EPHB1: variants seen among roughly 807,000 people sequenced by gnomAD.
EPHB1 encodes EPH receptor B1.
Under a neutral mutation model 94.4 loss-of-function variants are expected in EPHB1, and 30 were observed. That is an observed-to-expected ratio of 0.32 (90% CI 0.24 to 0.43). EPHB1 has a LOEUF of 0.43. Among genes scored for constraint, EPHB1 ranks in the 20% least tolerant of loss-of-function variants. EPHB1 has a pLI of 1.00. For missense variants in EPHB1, 1,055 were observed against 1,308.3 expected, an observed-to-expected ratio of 0.81 and a Z score of 2.99; for synonymous variants, 522 against 489.1, an observed-to-expected ratio of 1.07 and a Z score of -0.89.
chr3:135,060,314 A>C (rs72975560), intron 3 of EPHB1, among the ~76,000 whole-genome samples: 6,313 of 152,270 alleles, frequency 0.041, 463 homozygotes, highest in African/African-American at 0.14. Flanking sequence ...TTCACTTAGC[A>C]TATGTGTTTA....
At chr3:135,248,255 TTG>T in intron 13 of EPHB1, 59 bp from the exon 14 acceptor site, 6 of 1,445,706 alleles carry the variant, frequency 4.2e-6, no homozygotes, top group Non-Finnish European at 5.6e-6. Context: ...AGGGGATAAT[TTG>T]TGAGTGACTG....
chr3:134,822,650 C>A (rs990215345), intron 1 of EPHB1, among the ~76,000 whole-genome samples: 2 of 152,224 alleles, frequency 1.3e-5, no homozygotes, highest in Non-Finnish European at 2.9e-5. Flanking sequence ...TATGCACCAT[C>A]CTGCACCAAA....
At chr3:135,129,260 T>A (rs1940331287) in intron 4 of EPHB1, among the ~76,000 whole-genome samples, 1 of 151,810 alleles carries the variant, frequency 6.6e-6, no homozygotes, top group African/African-American at 2.4e-5. Flanking sequence ...TGGGAGTAAA[T>A]GAACAGACAT....
chr3:134,961,851 A>G (rs1311689081), intron 3 of EPHB1, among the ~76,000 whole-genome samples: 1 of 152,206 alleles, frequency 6.6e-6, no homozygotes, highest in Non-Finnish European at 1.5e-5. Flanking sequence ...CAATGTTGCA[A>G]CAGATATCCT....
intron 2 of EPHB1, among the ~76,000 whole-genome samples, chr3:134,934,463 G>A (rs78532431): frequency 6.6e-6 from 1 of 152,274 alleles, no homozygotes; most frequent in African/African-American, 2.4e-5. Context: ...TGGATCCCCA[G>A]GGGAGGAGAA....
intron 3 of EPHB1, among the ~76,000 whole-genome samples, chr3:134,995,079 GAACAGTTTCATCAC>G (rs1250494310): frequency 6.6e-6 from 1 of 151,970 alleles, no homozygotes; most frequent in Non-Finnish European, 1.5e-5. Context: ...TCAAGACACA[GAACAGTTTCATCAC>G]AAGCTTCCCT....
At chr3:134,842,777 A>G (rs1274485638) in intron 1 of EPHB1, among the ~76,000 whole-genome samples, 1 of 152,102 alleles carries the variant, frequency 6.6e-6, no homozygotes, top group Non-Finnish European at 1.5e-5. Context: ...TTAATATCCC[A>G]CACAGCTTTA....
intron 3 of EPHB1, among the ~76,000 whole-genome samples, chr3:135,059,701 A>G (rs1240075187): frequency 6.6e-6 from 1 of 152,206 alleles, no homozygotes; most frequent in Non-Finnish European, 1.5e-5. Flanking sequence ...TTTGGACACA[A>G]CAAAGTATAC....
chr3:134,906,728 T>C (rs1445028153), intron 1 of EPHB1, among the ~76,000 whole-genome samples: 2 of 152,226 alleles, frequency 1.3e-5, no homozygotes, highest in African/African-American at 4.8e-5. Context: ...ATAACACTTA[T>C]CAGAGCAGCC....
chr3:134,920,031 G>A (rs1342653605), intron 1 of EPHB1, among the ~76,000 whole-genome samples: 2 of 152,008 alleles, frequency 1.3e-5, no homozygotes, highest in Non-Finnish European at 2.9e-5. Context: ...GTACCTATGA[G>A]TCCATCTCCT....
At chr3:135,084,438 C>A (rs1345288201) in intron 3 of EPHB1, among the ~76,000 whole-genome samples, 1 of 152,164 alleles carries the variant, frequency 6.6e-6, no homozygotes. Context: ...TGAGAAGCTC[C>A]TTGTGGCAAG....
Position 135,179,860 on chromosome 3 carries a change from G to C in EPHB1, c.1760G>C (p.Gly587Ala), listed in dbSNP as rs774713350. The C allele has an allele frequency of 2.2e-5, 35 of 1,613,516 alleles. No individual in the cohort carries two copies. In the South Asian group the frequency reaches 2.5e-4, roughly 12 times the overall value. ...AACCCTGCTTATCTCCTCCAACAAG[G>C]CTCCCCAGGGATGAAGATCTACATT... ...DKLQHYSTGR[G>A]SPGMKIYIDP... Residue 587 changes from glycine to alanine, a missense_variant and splice_region_variant, in exon 10 of 16, where the codon GGC (glycine) becomes GCC (alanine). Coordinates refer to ENST00000398015, the MANE Select transcript of EPHB1 (RefSeq NM_004441.5).
At chr3:134,846,272 G>A (rs2036870247) in intron 1 of EPHB1, among the ~76,000 whole-genome samples, 1 of 152,220 alleles carries the variant, frequency 6.6e-6, no homozygotes, top group South Asian at 2.1e-4. Flanking sequence ...AGTGCTCGGT[G>A]TTGTGGCCGA....
chr3:135,040,768 G>C (rs1193157821), intron 3 of EPHB1, among the ~76,000 whole-genome samples: 2 of 152,238 alleles, frequency 1.3e-5, no homozygotes, highest in African/African-American at 4.8e-5. Flanking sequence ...TACTGCAAGA[G>C]AAAGCTCTTT....
chr3:134,977,984 G>A (rs1375160664), intron 3 of EPHB1: 2 of 456,096 alleles, frequency 4.4e-6, no homozygotes, highest in Non-Finnish European at 8.8e-6. Flanking sequence ...CCTTTTTGGA[G>A]GATCCTTAGA....
intron 3 of EPHB1, among the ~76,000 whole-genome samples, chr3:134,994,986 T>TTGTGTGTGTG (rs57873051): frequency 0.01 from 1,544 of 148,450 alleles, 16 homozygotes; most frequent in Middle Eastern, 0.031. Flanking sequence ...TTACATACAC[T>TTGTGTGTGTG]TGTGTGTGTG....
At chr3:134,982,752 A>G (rs1934454933) in intron 3 of EPHB1, among the ~76,000 whole-genome samples, 1 of 152,222 alleles carries the variant, frequency 6.6e-6, no homozygotes, top group Non-Finnish European at 1.5e-5. Flanking sequence ...AGAAGGCATT[A>G]AACAGAGCTT....
At position 135,052,915 on chromosome 3, in the gene EPHB1, G is replaced by A. The variant is rs1426101188; in HGVS notation, c.806-53533G>A. ...AATATATATATATATATATATGTGT[G>A]TGTGTGTGTGTGTGTGTATATATGT... On this transcript the variant is annotated intron_variant, in intron 3 of 15. Transcript: ENST00000398015. Among the ~76,000 whole-genome samples the A allele has an allele frequency of 3.4e-3, 304 of 88,972 alleles. 5 individuals are homozygous for A. Among genetic ancestry groups the A allele is most frequent in the Admixed American group, 9.6e-3 (74 of 7,738 alleles). 58.4% of individuals were successfully genotyped at this position (88,972 alleles called of 152,430 possible).
rs2036298008 is a variant in EPHB1 at position 134,817,773 on chromosome 3, T to C, written c.58+22084T>C. Among the ~76,000 whole-genome samples, 4 of 152,236 alleles carry C rather than the reference T, an allele frequency of 2.6e-5. No individual in the cohort carries two copies. In the South Asian group the frequency reaches 8.3e-4, roughly 32 times the overall value. Reference sequence around the variant, plus strand: ...TGTGCTCTGGAAACACAAGCTGTTCTTATAATGGTGGTTACGATTGATTCT... The same window carrying C: ...TGTGCTCTGGAAACACAAGCTGTTCCTATAATGGTGGTTACGATTGATTCT... On this transcript the variant is annotated intron_variant, in intron 1 of 15. Transcript: ENST00000398015.
Sources: allele counts gnomAD v4.1 joint callset (sites outside exome capture counted in the v4.1 genomes callset), GRCh38; gene constraint gnomAD v4.1.1; transcripts MANE v1.5; gene names NCBI Gene and HGNC (gene_info 2026-07-23, HGNC 2026-07-21).